The following PRORP variants were observed in gnomAD, a reference collection of about 807,000 sequenced individuals.
The protein encoded by PRORP is protein only RNase P catalytic subunit.
Under a neutral mutation model 59.4 loss-of-function variants are expected in PRORP, and 51 were observed. The observed-to-expected ratio is 0.86, with a 90% CI of 0.69 to 1.08. The LOEUF (loss-of-function observed/expected upper bound fraction) is 1.08, where lower values mean the gene tolerates loss of function less well. PRORP is among the 50% of genes least tolerant of loss of function. PRORP has a pLI of 0.00. For synonymous variants in PRORP, 231 were observed against 245.6 expected (o/e 0.94, Z 0.55); for missense variants, 646 against 690.3 (o/e 0.94, Z 0.72).
intron 4 of PRORP, among the ~76,000 whole-genome samples, chr14:35,148,472 TGCTGTA>T (rs1340035197): frequency 6.6e-6 from 1 of 152,168 alleles, no homozygotes; most frequent in Non-Finnish European, 1.5e-5. Flanking sequence ...CAGTAAACCA[TGCTGTA>T]GACAGATGTG....
intron 5 of PRORP, among the ~76,000 whole-genome samples, chr14:35,256,769 C>T (rs554382792): frequency 2.0e-5 from 3 of 151,998 alleles, no homozygotes; most frequent in South Asian, 4.2e-4. Context: ...TTGGATTGGC[C>T]GTGAGCTGAT....
chr14:35,258,956 G>A (rs1453513063), intron 5 of PRORP, among the ~76,000 whole-genome samples: 2 of 152,220 alleles, frequency 1.3e-5, no homozygotes, highest in South Asian at 2.1e-4. Context: ...ACTGTCTATA[G>A]CCTTCCAATT....
chr14:35,252,105 T>G (rs1221766708), intron 5 of PRORP, among the ~76,000 whole-genome samples: 1 of 152,072 alleles, frequency 6.6e-6, no homozygotes, highest in Non-Finnish European at 1.5e-5. Flanking sequence ...GAAAGTGCAT[T>G]TTGGCCAAAT....
chr14:35,210,615 A>T (rs1289888250), intron 5 of PRORP, among the ~76,000 whole-genome samples: 1 of 151,478 alleles, frequency 6.6e-6, no homozygotes, highest in Non-Finnish European at 1.5e-5. Flanking sequence ...TTGAAAATCA[A>T]CACATGCAAC....
In PRORP at chr14:35,127,526, G is replaced by A. The variant is rs2047128014; in HGVS notation, c.1082G>A (p.Ser361Asn). The A allele has an allele frequency of 6.2e-7, 1 of 1,612,346 alleles. No homozygotes were observed. Among genetic ancestry groups the A allele is most frequent in the Non-Finnish European group, 8.5e-7 (1 of 1,178,438 alleles). The change falls in exon 4 of 8, where the codon AGT becomes AAT. Residue 361 changes from serine to asparagine, a missense_variant. Coordinates refer to ENST00000534898, the MANE Select transcript of PRORP (RefSeq NM_014672.4). ...CGKTIESIQL[S>N]PEEYECLKGK... ...AAAACCATAGAGTCTATTCAGCTGAGTCCAGAAGAATATGAATGTCTTAAG... is the reference window on the plus strand; with the variant it reads ...AAAACCATAGAGTCTATTCAGCTGAATCCAGAAGAATATGAATGTCTTAAG...
chr14:35,156,974 G>A (rs77178713), intron 4 of PRORP, among the ~76,000 whole-genome samples: 1 of 35,642 alleles, frequency 2.8e-5, no homozygotes, highest in African/African-American at 1.1e-4. Context: ...TTTTTTTTTT[G>A]AGACGGAATC....
intron 4 of PRORP, among the ~76,000 whole-genome samples, chr14:35,153,819 T>G (rs534066437): frequency 1.9e-4 from 29 of 152,086 alleles, no homozygotes; most frequent in African/African-American, 7.0e-4. Context: ...TAGAAGGGAG[T>G]ATTATTTGTG....
chr14:35,135,575 C>G lies in PRORP; in HGVS notation c.1167+7964C>G, dbSNP rs1250984840. 2.0e-5 allele frequency among the ~76,000 whole-genome samples: 3 copies of G among 152,208 alleles called. No homozygotes were observed. The South Asian group carries it at 6.2e-4, about 32-fold the overall frequency. On this transcript the variant is annotated intron_variant, in intron 4 of 7. Transcript: ENST00000534898. Reference sequence around the variant, plus strand: ...CAGTGGCATCCAGGAGAGGGCCTCTCCTTTCTCATTGGTTGGTCCTATAGC... The same window carrying G: ...CAGTGGCATCCAGGAGAGGGCCTCTGCTTTCTCATTGGTTGGTCCTATAGC...
At chr14:35,161,671 A>G (rs918865028) in intron 4 of PRORP, among the ~76,000 whole-genome samples, 3 of 152,128 alleles carry the variant, frequency 2.0e-5, no homozygotes, top group Non-Finnish European at 2.9e-5. Context: ...TCTTTGAGCT[A>G]TTCTCCATAA....
intron 5 of PRORP, chr14:35,219,261 C>G (rs2049706311): frequency 6.6e-6 from 1 of 152,266 alleles, no homozygotes; most frequent in African/African-American, 2.4e-5. Flanking sequence ...GCGACTGCAG[C>G]AGAGGAAGGC....
intron 5 of PRORP, among the ~76,000 whole-genome samples, chr14:35,266,349 G>A (rs994575390): frequency 2.0e-5 from 3 of 151,850 alleles, no homozygotes; most frequent in Middle Eastern, 6.8e-3. Context: ...GCCAGACGTG[G>A]TGCACGTCTG....
intron 5 of PRORP, among the ~76,000 whole-genome samples, chr14:35,239,189 C>T (rs907200176): frequency 1.3e-5 from 2 of 151,884 alleles, no homozygotes; most frequent in Non-Finnish European, 2.9e-5. Flanking sequence ...AACCCCGTCT[C>T]TACTAAAAAT....
chr14:35,128,278 GT>G (rs555717483), intron 4 of PRORP, among the ~76,000 whole-genome samples: 5 of 137,746 alleles, frequency 3.6e-5, no homozygotes, highest in South Asian at 2.3e-4. Flanking sequence ...GTAGTTTTTT[GT>G]TTTTTTTTTG....
intron 5 of PRORP, among the ~76,000 whole-genome samples, chr14:35,212,948 G>A (rs757806183): frequency 9.9e-5 from 15 of 152,156 alleles, no homozygotes; most frequent in Admixed American, 4.6e-4. Flanking sequence ...TCTTAGCTAG[G>A]TCTTCGGAAT....
chr14:35,151,416 G>A (rs1387535749), intron 4 of PRORP, among the ~76,000 whole-genome samples: 7 of 152,028 alleles, frequency 4.6e-5, no homozygotes. Context: ...TAAGGCCTCT[G>A]ATCACCACTG....
At chr14:35,179,222 G>A (rs1392468602) in intron 4 of PRORP, among the ~76,000 whole-genome samples, 2 of 152,048 alleles carry the variant, frequency 1.3e-5, no homozygotes, top group African/African-American at 4.8e-5. Context: ...ATGTATCTTG[G>A]AGTTGCTCTT....
At chr14:35,261,430 T>C (rs539873182) in intron 5 of PRORP, among the ~76,000 whole-genome samples, 2 of 152,130 alleles carry the variant, frequency 1.3e-5, no homozygotes, top group Admixed American at 6.6e-5. Context: ...TCTGTCTTTT[T>C]AAAAAAATTA....
chr14:35,196,503 T>C (rs763391213), intron 5 of PRORP, among the ~76,000 whole-genome samples: 3 of 151,908 alleles, frequency 2.0e-5, no homozygotes, highest in Non-Finnish European at 4.4e-5. Flanking sequence ...TCTCAGAAAA[T>C]AAATATTTTC....
At chr14:35,223,401 G>A (rs1053500260) in intron 5 of PRORP, among the ~76,000 whole-genome samples, 20 of 151,344 alleles carry the variant, frequency 1.3e-4, no homozygotes, top group East Asian at 1.9e-4. Context: ...GTCGTGAGCC[G>A]TAGTGACACT....
Sources: allele counts gnomAD v4.1 joint callset (sites outside exome capture counted in the v4.1 genomes callset), GRCh38; gene constraint gnomAD v4.1.1; transcripts MANE v1.5; gene names NCBI Gene and HGNC (gene_info 2026-07-23, HGNC 2026-07-21).